Variants in EP300 observed in about 807,000 individuals in gnomAD.
The protein encoded by EP300 is EP300 lysine acetyltransferase.
In EP300, 31 loss-of-function variants were observed where a neutral mutation model predicts 264.0. That is an observed-to-expected ratio of 0.12 (90% confidence interval 0.09 to 0.16). The LOEUF (loss-of-function observed/expected upper bound fraction) is 0.16. Among genes scored for constraint, EP300 ranks in the 10% least tolerant of loss-of-function variants. EP300 has a pLI of 1.00. For synonymous variants in EP300, 1,340 were observed against 1,045.4 expected (o/e 1.28, Z -5.44); for missense variants, 2,766 against 3,052.9 (o/e 0.91, Z 2.21).
chr22:41,130,037 A>G (rs1481975974), intron 5 of EP300, 34 bp downstream of exon 5: 1 of 1,528,014 alleles, frequency 6.5e-7, no homozygotes, highest in South Asian at 1.1e-5. Context: ...GTTTATATGA[A>G]AAGTTTTAAA....
chr22:41,101,660 C>T (rs1006862871), intron 1 of EP300, among the ~76,000 whole-genome samples: 2 of 152,118 alleles, frequency 1.3e-5, no homozygotes, highest in Non-Finnish European at 2.9e-5. Flanking sequence ...ATCTACCCTT[C>T]TCGGCCTCCC....
At chr22:41,097,435 C>G (rs982336179) in intron 1 of EP300, among the ~76,000 whole-genome samples, 3 of 150,884 alleles carry the variant, frequency 2.0e-5, no homozygotes, top group Admixed American at 2.0e-4. Flanking sequence ...GCTTTTCTCT[C>G]TCTTCTTTAT....
chr22:41,167,582 G>GTA lies in EP300; in HGVS notation c.3875-866_3875-865insAT, dbSNP rs1191403968. Among the ~76,000 whole-genome samples, 26 of 21,670 alleles carry GTA rather than the reference G, an allele frequency of 1.2e-3. 2 individuals carry two copies. Among genetic ancestry groups the GTA allele is most frequent in the Non-Finnish European group, 1.8e-3 (20 of 10,834 alleles). The allele number at this position is 21,670 out of a possible 152,430, so 14.2% of individuals were successfully genotyped here. Reference sequence around the variant, plus strand: ...TATTTGTGTGTGTGTGTGTGTGTGTGTGTATATATATATATATATATATAT... The same window carrying GTA: ...TATTTGTGTGTGTGTGTGTGTGTGTGTATGTATATATATATATATATATATAT... On this transcript the variant is annotated intron_variant, in intron 23 of 30. Transcript: ENST00000263253.
chr22:41,133,762 G>A (rs2058933885), intron 6 of EP300, among the ~76,000 whole-genome samples: 1 of 151,684 alleles, frequency 6.6e-6, no homozygotes, highest in Non-Finnish European at 1.5e-5. Flanking sequence ...TTTTCTTTCT[G>A]TTTTTCTTTA....
intron 26 of EP300, 136 bp from the exon 27 acceptor site, chr22:41,170,270 T>C (rs2059161939): frequency 1.3e-6 from 1 of 768,486 alleles, no homozygotes; most frequent in Non-Finnish European, 2.1e-6. Flanking sequence ...TTAATCTCAT[T>C]CTGGGTTATA....
intron 1 of EP300, among the ~76,000 whole-genome samples, chr22:41,098,012 T>A (rs80135271): frequency 9.3e-5 from 14 of 150,116 alleles, no homozygotes; most frequent in African/African-American, 2.9e-4. Context: ...TTTTTTTTTT[T>A]AATACTTTTA....
intron 2 of EP300, among the ~76,000 whole-genome samples, chr22:41,119,081 C>G (rs985689447): frequency 2.0e-5 from 3 of 149,098 alleles, no homozygotes; most frequent in African/African-American, 7.4e-5. Flanking sequence ...TGGCTTACTG[C>G]AGCCTCAACC....
At chr22:41,144,222 A>G (rs1237955920) in intron 10 of EP300, among the ~76,000 whole-genome samples, 1 of 152,204 alleles carries the variant, frequency 6.6e-6, no homozygotes, top group East Asian at 1.9e-4. Flanking sequence ...GTGGAATTCC[A>G]GGATACTTGT....
chr22:41,145,130 C>T (rs906320578), intron 10 of EP300, among the ~76,000 whole-genome samples: 1 of 152,168 alleles, frequency 6.6e-6, no homozygotes, highest in African/African-American at 2.4e-5. Context: ...AAAAAAGTTA[C>T]TCATATCTTA....
chr22:41,148,289 C>G (rs796193397), intron 12 of EP300, among the ~76,000 whole-genome samples: 4 of 152,276 alleles, frequency 2.6e-5, no homozygotes, highest in African/African-American at 9.6e-5. Flanking sequence ...TAGGCTTCTC[C>G]TGCTCCTTAT....
chr22:41,162,172 G>A (rs190028550), intron 20 of EP300, among the ~76,000 whole-genome samples: 4 of 152,278 alleles, frequency 2.6e-5, no homozygotes, highest in East Asian at 3.9e-4. Flanking sequence ...AGCAAGACAG[G>A]CCATTCAGGA....
chr22:41,151,920 G>C lies in EP300; in HGVS notation c.2905G>C (p.Glu969Gln). 1 of 1,614,118 alleles carries C rather than the reference G, an allele frequency of 6.2e-7. No individual in the cohort carries two copies. The highest frequency in any genetic ancestry group is 1.1e-5 in the South Asian group (1 of 91,082). The stretch of plus-strand genomic sequence containing the variant: ...AGAAGTGAATTCTCAGGCCATTGCT[G>C]AGAAGCAGCCTTCCCAGGAAGTGAA... ...STEVNSQAIA[E>Q]KQPSQEVKME... Residue 969 changes from glutamate (E) to glutamine (Q), a missense_variant, in exon 15 of 31, where the codon GAG (glutamate) becomes CAG (glutamine). Transcript: ENST00000263253.
rs746272811 is a variant in EP300 at position 41,177,048 on chromosome 22, C to T, written c.5337C>T (p.Cys1779=). The stretch of plus-strand genomic sequence containing the variant: ...GCAAACGGAAAACCAATGGCGGGTG[C>T]CCCATCTGCAAGCAGCTCATTGCCC... The part of the protein sequence containing the change: ...KGCKRKTNGG[C]PICKQLIALC... Residue 1779 remains cysteine (C), a synonymous_variant, in exon 31 of 31, where the codon TGC becomes TGT. Transcript: ENST00000263253. The T allele has an allele frequency of 3.1e-6, 5 of 1,614,110 alleles. No individual in the cohort carries two copies. In the South Asian group the frequency reaches 3.3e-5, roughly 11 times the overall value.
chr22:41,093,517 C>T (rs759854411), intron 1 of EP300, among the ~76,000 whole-genome samples: 3 of 152,176 alleles, frequency 2.0e-5, no homozygotes, highest in Non-Finnish European at 2.9e-5. Flanking sequence ...CTACTTTCCA[C>T]TCTTCGAAAT....
At chr22:41,153,740 A>C (rs2059060472) in intron 16 of EP300, among the ~76,000 whole-genome samples, 1 of 152,174 alleles carries the variant, frequency 6.6e-6, no homozygotes, top group Admixed American at 6.5e-5. Context: ...AGTGACAGAG[A>C]GTAATTGTCT....
rs763751548 is a variant in EP300, at chr22:41,146,850, G to T, written c.2131+34G>T. 1.9e-6 allele frequency: 3 copies of T among 1,569,186 alleles called. No homozygotes were observed. In the Admixed American group the frequency reaches 5.1e-5, roughly 26 times the overall value. ...TGAAAAAAATTTTTTTATTTTAAAA[G>T]AATCCCCGGTGTACTGCAAGATAAT... On this transcript the variant is annotated intron_variant, in intron 11 of 30. Coordinates refer to ENST00000263253, the MANE Select transcript of EP300 (RefSeq NM_001429.4).
intron 1 of EP300, among the ~76,000 whole-genome samples, chr22:41,093,442 A>G (rs574210304): frequency 6.6e-6 from 1 of 151,830 alleles, no homozygotes; most frequent in Admixed American, 6.6e-5. Flanking sequence ...TTTAAGTTTC[A>G]TTTTTTTTGT....
intron 11 of EP300, 98 bp downstream of exon 11, chr22:41,146,914 T>C (rs2059014249): frequency 2.8e-6 from 3 of 1,054,376 alleles, no homozygotes; most frequent in Non-Finnish European, 4.3e-6. Context: ...CAACAGCAAG[T>C]GTCATGATTA....
chr22:41,155,505 A>G (rs1344907530), intron 17 of EP300, among the ~76,000 whole-genome samples: 2 of 152,160 alleles, frequency 1.3e-5, no homozygotes, highest in Non-Finnish European at 2.9e-5. Flanking sequence ...GAGTGCTGGA[A>G]TTACAGGTGT....
Sources: gnomAD v4.1 joint callset for allele counts (sites outside exome capture counted in the v4.1 genomes callset) on GRCh38, gnomAD v4.1.1 for gene constraint, MANE v1.5 for transcripts, NCBI Gene and HGNC (gene_info 2026-07-23, HGNC 2026-07-21) for gene names.